The following FBXL17 variants were observed in gnomAD, a reference collection of about 807,000 sequenced individuals.
FBXL17 encodes F-box and leucine rich repeat protein 17, also known as F-box/LRR-repeat protein 17.
A neutral mutation model predicts 66.2 loss-of-function variants in FBXL17; 22 were observed. That is an observed-to-expected ratio of 0.33 (90% CI 0.24 to 0.47). FBXL17 has a LOEUF of 0.47. Ranked by LOEUF, FBXL17 falls within the 20% of genes least tolerant of loss-of-function variation. FBXL17 has a pLI of 1.00. For synonymous variants in FBXL17, 474 were observed against 400.5 expected (o/e 1.18, Z -2.19); for missense variants, 878 against 948.2 (o/e 0.93, Z 0.97).
intron 7 of FBXL17, among the ~76,000 whole-genome samples, chr5:107,885,646 A>G (rs1265925243): frequency 6.6e-6 from 1 of 152,228 alleles, no homozygotes; most frequent in East Asian, 1.9e-4. Flanking sequence ...ATTAAGTAAA[A>G]CAAAAGCAGA....
intron 5 of FBXL17, among the ~76,000 whole-genome samples, chr5:108,203,968 AG>A (rs1229808287): frequency 6.6e-6 from 1 of 152,098 alleles, no homozygotes; most frequent in African/African-American, 2.4e-5. Flanking sequence ...CTTTTCTTGA[AG>A]TTCTTTAAAT....
At chr5:108,319,374 A>G (rs1759513679) in intron 4 of FBXL17, among the ~76,000 whole-genome samples, 1 of 151,896 alleles carries the variant, frequency 6.6e-6, no homozygotes, top group Non-Finnish European at 1.5e-5. Flanking sequence ...GAATTAAAGC[A>G]TTTGTAATTT....
chr5:108,143,726 G>GAGAA (rs1554068959), intron 6 of FBXL17, among the ~76,000 whole-genome samples: 7 of 107,530 alleles, frequency 6.5e-5, no homozygotes, highest in Non-Finnish European at 1.2e-4. Context: ...GTTTTCATGG[G>GAGAA]AAAAAAAAAA....
intron 7 of FBXL17, among the ~76,000 whole-genome samples, chr5:107,930,880 T>C (rs572063978): frequency 6.6e-6 from 1 of 152,352 alleles, no homozygotes; most frequent in East Asian, 1.9e-4. Context: ...GTTTTATTTA[T>C]ACTAGTTTGT....
In FBXL17 at chr5:108,367,839, G is replaced by T; in HGVS notation, c.1108C>A (p.Arg370Ser). 1 of 1,550,300 alleles carries T rather than the reference G, an allele frequency of 6.5e-7. No individual in the cohort carries two copies. Among genetic ancestry groups the T allele is most frequent in the Non-Finnish European group, 8.7e-7 (1 of 1,146,278 alleles). ...QFWKQLDLSS[R>S]QQVTDELLEK... ...AGAATTGGATTCCATACCTGCTGACGACTACTAAGATCCAGCTGCTTCCAA... is the reference window on the plus strand; with the variant it reads ...AGAATTGGATTCCATACCTGCTGACTACTACTAAGATCCAGCTGCTTCCAA... Residue 370 changes from arginine to serine, a missense_variant, in exon 2 of 9, where the codon CGT (arginine) becomes AGT (serine). Coordinates refer to ENST00000542267, the MANE Select transcript of FBXL17 (RefSeq NM_001163315.3).
At chr5:107,975,186 G>A (rs1447373914) in intron 7 of FBXL17, among the ~76,000 whole-genome samples, 5 of 152,080 alleles carry the variant, frequency 3.3e-5, no homozygotes, top group African/African-American at 9.6e-5. Flanking sequence ...AAATATGCTC[G>A]GATATGTCTC....
intron 4 of FBXL17, among the ~76,000 whole-genome samples, chr5:108,255,274 G>C (rs1756527802): frequency 6.6e-6 from 1 of 152,020 alleles, no homozygotes. Context: ...TCAGCATGCA[G>C]CATATTTTAA....
chr5:108,105,813 A>G (rs1455021521), intron 6 of FBXL17, among the ~76,000 whole-genome samples: 1 of 152,222 alleles, frequency 6.6e-6, no homozygotes, highest in Non-Finnish European at 1.5e-5. Context: ...TTTAGGGTTT[A>G]TATCTTATTA....
In FBXL17 at chr5:107,881,081, T is replaced by C. The variant is rs750917787; in HGVS notation, c.1921A>G (p.Ser641Gly). 9.3e-5 allele frequency: 150 copies of C among 1,613,994 alleles called. 1 individual carries two copies. The highest frequency in any genetic ancestry group is 1.2e-4 in the Non-Finnish European group (145 of 1,179,974). ...TDQGATLIAQ[S>G]SKSLRYLGLM... ...CCCAAATATCTCAGAGACTTGCTGC[T>C]CTGTGCAATCAGGGTGGCTCCTTGG... Residue 641 changes from serine to glycine, a missense_variant, in exon 8 of 9, where the codon AGC becomes GGC. By Grantham distance (56) the Ser-to-Gly change is moderately conservative. Transcript: ENST00000542267.
At chr5:108,048,860 T>C (rs372667893) in intron 6 of FBXL17, among the ~76,000 whole-genome samples, 1 of 151,914 alleles carries the variant, frequency 6.6e-6, no homozygotes, top group Non-Finnish European at 1.5e-5. Flanking sequence ...ATGAGGAGAA[T>C]GGAAACAAGC....
At chr5:108,237,658 G>A (rs1324468129) in intron 4 of FBXL17, among the ~76,000 whole-genome samples, 2 of 152,126 alleles carry the variant, frequency 1.3e-5, no homozygotes, top group African/African-American at 4.8e-5. Flanking sequence ...AGAGAAAGTT[G>A]TACTTCAAAG....
intron 4 of FBXL17, among the ~76,000 whole-genome samples, chr5:108,249,322 A>G (rs1484329036): frequency 6.6e-6 from 1 of 152,144 alleles, no homozygotes; most frequent in South Asian, 2.1e-4. Context: ...GAGACAAGCC[A>G]GGAATATATC....
intron 7 of FBXL17, among the ~76,000 whole-genome samples, chr5:107,991,281 T>G (rs1174093978): frequency 1.3e-5 from 2 of 152,188 alleles, no homozygotes; most frequent in South Asian, 4.1e-4. Flanking sequence ...AGATACTGAA[T>G]GCAGCAGCAC....
chr5:108,140,776 T>C (rs747222030), intron 6 of FBXL17, among the ~76,000 whole-genome samples: 1 of 152,120 alleles, frequency 6.6e-6, no homozygotes, highest in Admixed American at 6.5e-5. Context: ...TTCGAGATGA[T>C]TGCTTATTCA....
chr5:107,886,013 A>G (rs1748957351), intron 7 of FBXL17, among the ~76,000 whole-genome samples: 2 of 152,230 alleles, frequency 1.3e-5, no homozygotes. Context: ...CCAAATAAAC[A>G]GCATAACCCA....
intron 6 of FBXL17, among the ~76,000 whole-genome samples, chr5:108,170,590 A>G (rs765484143): frequency 3.3e-5 from 5 of 151,980 alleles, no homozygotes; most frequent in African/African-American, 4.8e-5. Flanking sequence ...CTGGAGTGCA[A>G]TGGTGCCATC....
intron 8 of FBXL17, among the ~76,000 whole-genome samples, chr5:107,868,835 C>T (rs1748359241): frequency 6.6e-6 from 1 of 152,198 alleles, no homozygotes; most frequent in South Asian, 2.1e-4. Context: ...CTGTGTACCA[C>T]ATGCACAAAA....
chr5:108,204,235 C>T (rs1754018471), intron 5 of FBXL17, among the ~76,000 whole-genome samples: 1 of 151,840 alleles, frequency 6.6e-6, no homozygotes, highest in Admixed American at 6.6e-5. Context: ...GATAGGATCT[C>T]GCTGATTGCA....
intron 3 of FBXL17, 121 bp from the exon 4 acceptor site, chr5:108,348,651 T>A: frequency 1.0e-6 from 1 of 983,724 alleles, no homozygotes; most frequent in Non-Finnish European, 1.5e-6. Flanking sequence ...ATGTTACTTG[T>A]AAAATAAGAT....
Sources: gnomAD v4.1 joint callset for allele counts (sites outside exome capture counted in the v4.1 genomes callset) on GRCh38, gnomAD v4.1.1 for gene constraint, MANE v1.5 for transcripts, NCBI Gene and HGNC (gene_info 2026-07-23, HGNC 2026-07-21) for gene names.